MED23: variants seen among roughly 807,000 people sequenced by gnomAD.
MED23 encodes mediator of RNA polymerase II transcription subunit 23.
A neutral mutation model predicts 163.9 loss-of-function variants in MED23; 105 were observed. The ratio of observed to expected loss-of-function variants is 0.64; its 90% CI spans 0.55 to 0.75. The LOEUF (loss-of-function observed/expected upper bound fraction) is 0.75, where lower values mean the gene tolerates loss of function less well. Ranked by LOEUF, MED23 falls within the 30% of genes least tolerant of loss-of-function variation. MED23 has a pLI of 0.00. For missense variants in MED23, 1,054 were observed against 1,649.0 expected (o/e 0.64, Z 6.25); for synonymous variants, 561 against 565.6 (o/e 0.99, Z 0.12).
chr6:131,578,171 C>G (rs1021931057), intron 30 of MED23, among the ~76,000 whole-genome samples: 8 of 139,198 alleles, frequency 5.7e-5, no homozygotes, highest in African/African-American at 2.2e-4. Context: ...ACAAGAATTA[C>G]ACTTCGTAAA....
intron 30 of MED23, chr6:131,581,262 G>C (rs754655577): frequency 1.9e-6 from 3 of 1,613,902 alleles, no homozygotes; most frequent in Non-Finnish European, 2.5e-6. Context: ...GGTCCACCCT[G>C]ATCTTGGAGT....
downstream of MED23, chr6:131,583,761 T>C (rs1353394805): frequency 2.2e-5 from 35 of 1,613,884 alleles, no homozygotes; most frequent in South Asian, 6.6e-5. Flanking sequence ...CAGGATTAGA[T>C]ATAATGGAAG....
At chr6:131,584,741 G>C (rs1428674325), downstream of MED23, among the ~76,000 whole-genome samples, 2 of 151,608 alleles carry the variant, frequency 1.3e-5, no homozygotes, top group Non-Finnish European at 2.9e-5. Context: ...CCAGCACTTT[G>C]GGAGGACAAA....
intron 28 of MED23, among the ~76,000 whole-genome samples, chr6:131,588,967 C>CT (rs953298560): frequency 4.6e-5 from 7 of 152,168 alleles, no homozygotes; most frequent in African/African-American, 1.7e-4. Context: ...TTCCCTAGGA[C>CT]TTTTTTCTTC....
At chr6:131,619,774 T>C in intron 8 of MED23, 53 bp downstream of exon 8, 1 of 1,330,774 alleles carries the variant, frequency 7.5e-7, no homozygotes, top group South Asian at 1.2e-5. Flanking sequence ...TGTTCAATAA[T>C]TAGATTACTA....
At position 131,598,707 on chromosome 6, in the gene MED23, T is replaced by A; in HGVS notation, c.2275A>T (p.Asn759Tyr). ...PQESRFNLKKNVEEEYRKWKS... is the reference protein window; with the variant it reads ...PQESRFNLKKYVEEEYRKWKS... The stretch of plus-strand genomic sequence containing the variant: ...CACTTCCTATACTCCTCCTCCACAT[T>A]TTTTTTCAGATTAAAACGGCTTTCC... The change falls in exon 19 of 29, where the codon AAT (asparagine) becomes TAT (tyrosine). Residue 759 changes from asparagine to tyrosine, a missense_variant. Physicochemically the swap from Asn to Tyr is moderately radical, Grantham distance 143. Coordinates refer to ENST00000368068, the MANE Select transcript of MED23 (RefSeq NM_004830.4). This position sits in a 1 kb window ranked among gnomAD's most constrained non-coding sequence, Gnocchi z 4.7. The A allele has an allele frequency of 6.2e-7, 1 of 1,614,090 alleles. No individual in the cohort carries two copies. Among genetic ancestry groups the A allele is most frequent in the Non-Finnish European group, 8.5e-7 (1 of 1,180,002 alleles).
In MED23 at chr6:131,628,012, A is replaced by G. The variant is rs1263225324; in HGVS notation, c.38T>C (p.Val13Ala). 12 of 1,613,706 alleles carry G rather than the reference A, an allele frequency of 7.4e-6. No individual in the cohort carries two copies. Among genetic ancestry groups the G allele is most frequent in the Non-Finnish European group, 1.0e-5 (12 of 1,179,996 alleles). Residue 13 changes from valine to alanine, a missense_variant and splice_region_variant, in exon 1 of 29, where the codon GTG becomes GCG. Physicochemically the swap from Val to Ala is moderately conservative, Grantham distance 64 (BLOSUM62 0). Coordinates refer to ENST00000368068, the MANE Select transcript of MED23 (RefSeq NM_004830.4). ...TQLQSIFEEVVKTEVIEEAFP... is the reference protein window; with the variant it reads ...TQLQSIFEEVAKTEVIEEAFP... The stretch of plus-strand genomic sequence containing the variant: ...TGGATGGCCGGCAGCTGCACTCACC[A>G]CCACCTCTTCGAAAATGCTCTGCAG...
rs775536517 is a variant in MED23 at position 131,577,175 on chromosome 6, T to C, written c.4096-2880A>G. ...GTGTGTATATATACATACATATACA[T>C]AAGCATGCAAATGCAAATTTACGTA... On this transcript the variant is annotated intron_variant, in intron 30 of 30. Coordinates refer to the MED23 transcript ENST00000354577. Among the ~76,000 whole-genome samples the C allele has an allele frequency of 5.9e-5, 9 of 152,220 alleles. 1 individual carries two copies. The highest frequency in any genetic ancestry group is 6.3e-3 in the Middle Eastern group (2 of 316).
intron 13 of MED23, 105 bp from the exon 14 acceptor site, chr6:131,605,590 A>G (rs1043142054): frequency 9.4e-7 from 1 of 1,058,774 alleles, no homozygotes; most frequent in Non-Finnish European, 1.3e-6. Context: ...TATTAATGCT[A>G]TCTTTGTTCC....
rs548053997 is a variant in MED23, at chr6:131,581,092, C to T, written c.4095+6617G>A. 4.2e-5 allele frequency: 38 copies of T among 911,528 alleles called. No individual in the cohort carries two copies. The African/African-American group carries it at 5.8e-4, about 14-fold the overall frequency. The allele number at this position is 911,528 out of a possible 1,614,324, so 56.5% of individuals were successfully genotyped here. On this transcript the variant is annotated intron_variant, in intron 30 of 30. Transcript: ENST00000354577. ...TTTTAACTAATTGGCATCTCCAATT[C>T]AGAACCTATCAGAAATATCAGACAC...
chr6:131,586,727 T>C (rs966330159), downstream of MED23: 10 of 1,429,898 alleles, frequency 7.0e-6, no homozygotes, highest in Non-Finnish European at 8.4e-6. Context: ...CTCATTCCAA[T>C]GGAGTCGGGA....
chr6:131,589,681 T>G (rs893168982), intron 27 of MED23, 85 bp from the exon 28 acceptor site: 2 of 1,245,692 alleles, frequency 1.6e-6, no homozygotes, highest in African/African-American at 3.0e-5. Context: ...ATTACAACAC[T>G]AGCACCGGGG....
Position 131,605,342 on chromosome 6 carries a change from A to G in MED23, c.1511T>C (p.Ile504Thr). ...TGTTCCAGGGAGAGGTATCCTCATAATTCCATTTCCATAAATAGTTTCTAC... is the reference window on the plus strand; with the variant it reads ...TGTTCCAGGGAGAGGTATCCTCATAGTTCCATTTCCATAAATAGTTTCTAC... ...ALVETIYGNG[I>T]MRIPLPGTNC... Residue 504 changes from isoleucine (I) to threonine (T), a missense_variant, in exon 14 of 29, where the codon ATT (isoleucine) becomes ACT (threonine). Transcript: ENST00000368068. 1 of 1,613,506 alleles carries G rather than the reference A, an allele frequency of 6.2e-7. No homozygotes were observed. The highest frequency in any genetic ancestry group is 1.1e-5 in the South Asian group (1 of 91,056).
chr6:131,577,936 C>G (rs187362616), intron 30 of MED23, among the ~76,000 whole-genome samples: 1 of 151,190 alleles, frequency 6.6e-6, no homozygotes, highest in South Asian at 2.1e-4. Context: ...AGGAATGGAC[C>G]GCAAACACAG....
Position 131,579,001 on chromosome 6 carries a change from T to C in MED23, c.4096-4706A>G, listed in dbSNP as rs901057034. 6 of 1,292,270 alleles carry C rather than the reference T, an allele frequency of 4.6e-6. No homozygotes were observed. The African/African-American group carries it at 9.0e-5, about 19-fold the overall frequency. The allele number at this position is 1,292,270 out of a possible 1,614,324, so 80.1% of individuals were successfully genotyped here. A position where few individuals can be genotyped will look rare whatever the true frequency, so the allele number is the denominator to read the frequency against. On this transcript the variant is annotated intron_variant, in intron 30 of 30. Transcript: ENST00000354577. Reference sequence around the variant, plus strand: ...ATTTACAGACCTTTCAGGTTTTTCCTTTGCTTATACTTGTGAATATATGCC... The same window carrying C: ...ATTTACAGACCTTTCAGGTTTTTCCCTTGCTTATACTTGTGAATATATGCC...
intron 24 of MED23, 172 bp downstream of exon 24, chr6:131,592,834 G>A: frequency 1.3e-6 from 1 of 772,444 alleles, no homozygotes; most frequent in South Asian, 1.6e-5. Context: ...ATCCTGTCCA[G>A]GGCTCATTCC....
At chr6:131,593,923 T>G (rs1194323238) in intron 23 of MED23, among the ~76,000 whole-genome samples, 176 bp downstream of exon 23, 4 of 152,152 alleles carry the variant, frequency 2.6e-5, no homozygotes, top group African/African-American at 7.2e-5. Flanking sequence ...TCAGCCTAAT[T>G]GGCATGATGC....
chr6:131,602,426 T>C (rs776459278), intron 16 of MED23, 45 bp from the exon 17 acceptor site: 1 of 1,562,588 alleles, frequency 6.4e-7, no homozygotes, highest in Non-Finnish European at 8.8e-7. Context: ...AATTTCAGAA[T>C]TATGGAATTA....
chr6:131,624,950 T>C lies in MED23; in HGVS notation c.199A>G (p.Ile67Val), dbSNP rs745715039. Residue 67 changes from isoleucine (I) to valine (V), a missense_variant, in exon 4 of 29, where the codon ATT becomes GTT. This residue lies in a region of MED23 where 227 missense variants were observed against 235.5 expected (regional missense o/e 0.96). Coordinates refer to ENST00000368068, the MANE Select transcript of MED23 (RefSeq NM_004830.4). ...CTTTTAGGACTATGCTGACCATGAA[T>C]AAACTTAACAATCCACTGGATACAC... ...EQCIQWIVKF[I>V]HGQHSPKRIS... The C allele has an allele frequency of 1.9e-6, 3 of 1,613,636 alleles. No individual in the cohort carries two copies. The highest frequency in any genetic ancestry group is 3.3e-5 in the Admixed American group (2 of 60,004).
Sources: gnomAD v4.1 joint callset for allele counts (sites outside exome capture counted in the v4.1 genomes callset) on GRCh38, gnomAD v4.1.1 for gene constraint, gnomAD v4.1.1 regional missense constraint, Gnocchi (gnomAD v3.1) non-coding constraint, MANE v1.5 for transcripts, NCBI Gene and HGNC (gene_info 2026-07-23, HGNC 2026-07-21) for gene names.